BABAM2: variants seen among roughly 807,000 people sequenced by gnomAD.
The protein encoded by BABAM2 is BRISC and BRCA1-A complex member 2.
A neutral mutation model predicts 54.7 loss-of-function variants in BABAM2; 31 were observed. That is an observed-to-expected ratio of 0.57 (90% CI 0.43 to 0.77). The LOEUF (loss-of-function observed/expected upper bound fraction) is 0.77, where lower values mean the gene tolerates loss of function less well. BABAM2 is among the 30% of genes least tolerant of loss of function. BABAM2 has a pLI of 0.00. For missense variants in BABAM2, 364 were observed against 455.8 expected, an observed-to-expected ratio of 0.80 and a Z score of 1.83; for synonymous variants, 167 against 162.9, an observed-to-expected ratio of 1.03 and a Z score of -0.19.
intron 5 of BABAM2, among the ~76,000 whole-genome samples, chr2:28,027,818 T>C (rs1399521268): frequency 6.6e-6 from 1 of 152,248 alleles, no homozygotes. Context: ...TTTTTTACAT[T>C]GTTTAAACAT....
intron 3 of BABAM2, among the ~76,000 whole-genome samples, chr2:27,981,621 A>T (rs1672008228): frequency 6.6e-6 from 1 of 152,178 alleles, no homozygotes; most frequent in Non-Finnish European, 1.5e-5. Context: ...TACAATAAGT[A>T]GCCTTTTGTG....
chr2:27,966,429 GGT>G (rs796468295), intron 3 of BABAM2, among the ~76,000 whole-genome samples: 4 of 152,176 alleles, frequency 2.6e-5, no homozygotes, highest in African/African-American at 9.6e-5. Flanking sequence ...AAAATAATGT[GGT>G]GTGTTTTAAT....
chr2:28,265,827 T>C (rs544822080), intron 10 of BABAM2, among the ~76,000 whole-genome samples: 2 of 152,298 alleles, frequency 1.3e-5, no homozygotes, highest in African/African-American at 4.8e-5. Flanking sequence ...GAATCTGCAA[T>C]ATATTCACCT....
chr2:27,900,920 A>G (rs1296314553), intron 2 of BABAM2, among the ~76,000 whole-genome samples: 1 of 151,668 alleles, frequency 6.6e-6, no homozygotes, highest in Non-Finnish European at 1.5e-5. Context: ...GCGGGTGCCT[A>G]TAGTCCCAGC....
intron 4 of BABAM2, among the ~76,000 whole-genome samples, chr2:27,992,603 T>C (rs1672859464): frequency 6.6e-6 from 1 of 152,248 alleles, no homozygotes; most frequent in South Asian, 2.1e-4. Context: ...GGATGTTCAA[T>C]AAATTAAGAT....
intron 6 of BABAM2, among the ~76,000 whole-genome samples, chr2:28,090,605 T>C (rs936512923): frequency 1.3e-5 from 2 of 152,186 alleles, no homozygotes; most frequent in Admixed American, 6.5e-5. Flanking sequence ...TCGGAATCTT[T>C]AATTTTGAAG....
At chr2:27,963,469 C>CAAAAAAAAAAAAAAAAAAAAAAAAAA (rs760525051) in intron 3 of BABAM2, among the ~76,000 whole-genome samples, 1 of 54,402 alleles carries the variant, frequency 1.8e-5, no homozygotes. Context: ...GACTCTTTCT[C>CAAAAAAAAAAAAAAAAAAAAAAAAAA]AAAAAAAAAA....
chr2:27,973,708 C>T (rs1165649710), intron 3 of BABAM2, among the ~76,000 whole-genome samples: 1 of 152,150 alleles, frequency 6.6e-6, no homozygotes, highest in Non-Finnish European at 1.5e-5. Context: ...TGTGAAGTCT[C>T]AGGCTTATCC....
At chr2:28,118,850 G>T (rs1417713914) in intron 6 of BABAM2, among the ~76,000 whole-genome samples, 3 of 151,994 alleles carry the variant, frequency 2.0e-5, no homozygotes, top group Non-Finnish European at 4.4e-5. Context: ...GGGTTTTTAT[G>T]GTTTTGGGTT....
chr2:27,917,520 G>A (rs931259732), intron 2 of BABAM2, among the ~76,000 whole-genome samples: 2 of 152,072 alleles, frequency 1.3e-5, no homozygotes, highest in African/African-American at 4.8e-5. Flanking sequence ...TCCTTGCATG[G>A]CAGAAGGGAA....
intron 11 of BABAM2, among the ~76,000 whole-genome samples, chr2:28,331,516 A>G (rs571368417): frequency 6.6e-6 from 1 of 152,374 alleles, no homozygotes; most frequent in East Asian, 1.9e-4. Context: ...GGACATGAAC[A>G]GACACTTCTC....
At position 28,293,334 on chromosome 2, in the gene BABAM2, C is replaced by T. The variant is rs374406636; in HGVS notation, c.935-5004C>T. Among the ~76,000 whole-genome samples the T allele has an allele frequency of 2.0e-5, 3 of 152,110 alleles. No individual in the cohort carries two copies. In the South Asian group the frequency reaches 6.2e-4, roughly 32 times the overall value. On this transcript the variant is annotated intron_variant, in intron 10 of 11. Coordinates refer to ENST00000379624, the MANE Select transcript of BABAM2 (RefSeq NM_199191.3). ...TAGAAAGTCTTATGAATTGAGATAC[C>T]ACCTTACTAGAGTTGTCTTCTAGTG...
chr2:28,109,067 A>T (rs1235265640), intron 6 of BABAM2, among the ~76,000 whole-genome samples: 1 of 152,154 alleles, frequency 6.6e-6, no homozygotes, highest in African/African-American at 2.4e-5. Context: ...TGCAATGATT[A>T]TATAAAACAG....
At chr2:28,109,704 C>G (rs1356715955) in intron 6 of BABAM2, among the ~76,000 whole-genome samples, 1 of 152,158 alleles carries the variant, frequency 6.6e-6, no homozygotes, top group Non-Finnish European at 1.5e-5. Flanking sequence ...CCACCTGACG[C>G]CTTTCTCTGG....
At chr2:28,168,653 G>C (rs1434761196) in intron 7 of BABAM2, among the ~76,000 whole-genome samples, 1 of 152,138 alleles carries the variant, frequency 6.6e-6, no homozygotes, top group Non-Finnish European at 1.5e-5. Context: ...CATTCTTAGA[G>C]GGCCAAAAGC....
intron 10 of BABAM2, among the ~76,000 whole-genome samples, chr2:28,281,779 A>G (rs745671711): frequency 6.6e-6 from 1 of 152,178 alleles, no homozygotes; most frequent in Non-Finnish European, 1.5e-5. Flanking sequence ...TGTGTTCCTG[A>G]GTTTCAGCGT....
At chr2:27,915,874 TTCTCCCCATCTCCCTA>T (rs1666932482) in intron 2 of BABAM2, among the ~76,000 whole-genome samples, 1 of 152,186 alleles carries the variant, frequency 6.6e-6, no homozygotes, top group Non-Finnish European at 1.5e-5. Flanking sequence ...TTTTTGTTTC[TTCTCCCCATCTCCCTA>T]TCTCCCCATC....
chr2:28,050,034 A>C (rs1677886184), intron 6 of BABAM2, among the ~76,000 whole-genome samples: 2 of 152,160 alleles, frequency 1.3e-5, no homozygotes, highest in Admixed American at 1.3e-4. Flanking sequence ...TACAATAGGA[A>C]ATGGTAGGGA....
chr2:28,246,079 C>A (rs944404395), intron 10 of BABAM2, among the ~76,000 whole-genome samples: 9 of 152,126 alleles, frequency 5.9e-5, no homozygotes, highest in Non-Finnish European at 1.5e-5. Flanking sequence ...GGCCTCTCTG[C>A]CTTGAGGTGT....
Sources: allele counts gnomAD v4.1 joint callset (sites outside exome capture counted in the v4.1 genomes callset), GRCh38; gene constraint gnomAD v4.1.1; transcripts MANE v1.5; gene names NCBI Gene and HGNC (gene_info 2026-07-23, HGNC 2026-07-21).